Variants in RIMKLB observed in about 807,000 individuals in gnomAD.
RIMKLB encodes beta-citrylglutamate synthase B.
In RIMKLB, 7 loss-of-function variants were observed where a neutral mutation model predicts 32.0. The ratio of observed to expected loss-of-function variants is 0.22; its 90% CI spans 0.12 to 0.41. The LOEUF (loss-of-function observed/expected upper bound fraction) is 0.41. Ranked by LOEUF, RIMKLB falls within the 10% of genes least tolerant of loss-of-function variation. The pLI is 1.00. For synonymous variants in RIMKLB, 172 were observed against 185.1 expected (o/e 0.93, Z 0.57); for missense variants, 289 against 498.7 (o/e 0.58, Z 4.00).
At chr12:8,686,549 G>T (rs1392308256) in intron 1 of RIMKLB, among the ~76,000 whole-genome samples, 1 of 151,376 alleles carries the variant, frequency 6.6e-6, no homozygotes, top group East Asian at 1.9e-4. Context: ...GCGCGATCTC[G>T]GCTCACTGCA....
At chr12:8,780,258 C>T (rs1950954529), downstream of RIMKLB, 1 of 152,104 alleles carries the variant, frequency 6.6e-6, no homozygotes, top group African/African-American at 2.4e-5. Context: ...GGTATTTGTT[C>T]ATAGGTTGTA....
At chr12:8,752,780 G>T (rs1948726680) in intron 4 of RIMKLB, among the ~76,000 whole-genome samples, 1 of 149,180 alleles carries the variant, frequency 6.7e-6, no homozygotes, top group Non-Finnish European at 1.5e-5. Context: ...TGCTCTTGTT[G>T]CCCAGGCTGG....
At chr12:8,721,846 C>T (rs1013836038) in intron 2 of RIMKLB, among the ~76,000 whole-genome samples, 5 of 152,102 alleles carry the variant, frequency 3.3e-5, no homozygotes, top group East Asian at 1.9e-4. Flanking sequence ...TGGGTTCAAG[C>T]GATTCTCCTG....
At position 8,775,425 on chromosome 12, in the gene RIMKLB, T is replaced by C. The variant is rs1422850056; in HGVS notation, c.*1641T>C. On this transcript the variant is annotated 3_prime_UTR_variant, in exon 6 of 6. Coordinates refer to ENST00000535829, the MANE Select transcript of RIMKLB (RefSeq NM_001297776.2). ...TGGGTTTGGATGGTATGTTAAGAAATGGAGATGCTGCAGAGCCCAACGTAA... is the reference window on the plus strand; with the variant it reads ...TGGGTTTGGATGGTATGTTAAGAAACGGAGATGCTGCAGAGCCCAACGTAA... 3.0e-6 allele frequency: 3 copies of C among 985,384 alleles called. No homozygotes were observed. Among genetic ancestry groups the C allele is most frequent in the East Asian group, 1.1e-4 (1 of 8,830 alleles). 61.0% of individuals were successfully genotyped at this position (985,384 alleles called of 1,614,324 possible). A position where few individuals can be genotyped will look rare whatever the true frequency, so the allele number is the denominator to read the frequency against.
At chr12:8,701,024 T>C (rs912896615) in intron 1 of RIMKLB, among the ~76,000 whole-genome samples, 2 of 151,932 alleles carry the variant, frequency 1.3e-5, no homozygotes, top group Non-Finnish European at 2.9e-5. Context: ...CGAAATTTTA[T>C]CACTGCACTC....
At chr12:8,686,295 C>T (rs1942570004) in intron 1 of RIMKLB, among the ~76,000 whole-genome samples, 1 of 148,642 alleles carries the variant, frequency 6.7e-6, no homozygotes, top group Non-Finnish European at 1.5e-5. Flanking sequence ...CCTCTCATTT[C>T]CTTTCCTTTC....
upstream of RIMKLB, among the ~76,000 whole-genome samples, chr12:8,693,692 C>G (rs751406674): frequency 1.3e-5 from 2 of 152,220 alleles, no homozygotes; most frequent in South Asian, 4.1e-4. Flanking sequence ...GACACCACAC[C>G]GGGCCTGTAC....
rs1399830216 is a variant in RIMKLB, at chr12:8,773,593, A to G, written c.970A>G (p.Thr324Ala). The part of the protein sequence containing the change: ...RRMSLLSVVS[T>A]ASETSEPELG... Reference sequence around the variant, plus strand: ...TATGTCCCTGCTCTCCGTGGTGTCCACTGCCAGTGAGACTAGTGAGCCGGA... The same window carrying G: ...TATGTCCCTGCTCTCCGTGGTGTCCGCTGCCAGTGAGACTAGTGAGCCGGA... The change falls in exon 6 of 6, where the codon ACT becomes GCT. Residue 324 changes from threonine (T) to alanine (A), a missense_variant. By Grantham distance (58) the Thr-to-Ala change is moderately conservative. Coordinates refer to ENST00000535829, the MANE Select transcript of RIMKLB (RefSeq NM_001297776.2). The G allele has an allele frequency of 1.2e-6, 2 of 1,614,218 alleles. No individual in the cohort carries two copies. Among genetic ancestry groups the G allele is most frequent in the Non-Finnish European group, 1.7e-6 (2 of 1,180,042 alleles).
chr12:8,731,482 A>G (rs1591788441), intron 2 of RIMKLB, among the ~76,000 whole-genome samples: 1 of 150,774 alleles, frequency 6.6e-6, no homozygotes, highest in South Asian at 2.1e-4. Flanking sequence ...TTAGGCAAGG[A>G]GGGGATGATG....
chr12:8,782,972 T>G (rs890295787), exon 8 of RIMKLB: 7 of 152,222 alleles, frequency 4.6e-5, no homozygotes, highest in African/African-American at 1.7e-4. Context: ...TGGATGAAGA[T>G]AGATTTGACT....
the RIMKLB span, among the ~76,000 whole-genome samples, chr12:8,669,412 C>T: frequency 6.6e-6 from 1 of 152,042 alleles, no homozygotes; most frequent in Non-Finnish European, 1.5e-5. Context: ...GGGGCCAAAC[C>T]ATATCCAAAC....
Position 8,713,928 on chromosome 12 carries a change from A to C in RIMKLB, c.62A>C (p.Tyr21Ser). 1 of 1,614,126 alleles carries C rather than the reference A, an allele frequency of 6.2e-7. No homozygotes were observed. The highest frequency in any genetic ancestry group is 1.1e-5 in the South Asian group (1 of 91,078). ...ACAGATCGTCGCATCAGGGAAGACT[A>C]TCCTCAAAAAGAGATTTTACGAGCA... ...FLTDRRIRED[Y>S]PQKEILRALK... Residue 21 changes from tyrosine to serine, a missense_variant, in exon 2 of 6, where the codon TAT becomes TCT. Tyr to Ser is a moderately radical substitution (Grantham distance 144). This residue lies in a region of RIMKLB where 34 missense variants were observed against 35.3 expected (regional missense o/e 0.96). Transcript: ENST00000535829.
intron 2 of RIMKLB, among the ~76,000 whole-genome samples, chr12:8,747,206 C>T (rs1948176711): frequency 1.3e-5 from 2 of 152,302 alleles, no homozygotes; most frequent in Admixed American, 1.3e-4. Context: ...TTCTCCTAAT[C>T]AGAACAGATA....
intron 1 of RIMKLB, among the ~76,000 whole-genome samples, chr12:8,708,446 C>T (rs758663639): frequency 2.0e-5 from 3 of 152,000 alleles, no homozygotes; most frequent in African/African-American, 7.2e-5. Flanking sequence ...GTCCTCTGTA[C>T]AGAATAGGTT....
intron 2 of RIMKLB, among the ~76,000 whole-genome samples, chr12:8,718,584 A>G (rs1945086805): frequency 6.6e-6 from 1 of 151,972 alleles, no homozygotes; most frequent in Admixed American, 6.6e-5. Context: ...TGGAGGTTGC[A>G]GTGAGCTGAG....
intron 2 of RIMKLB, among the ~76,000 whole-genome samples, chr12:8,725,947 A>G (rs951759539): frequency 1.3e-5 from 2 of 152,140 alleles, no homozygotes; most frequent in Non-Finnish European, 2.9e-5. Flanking sequence ...TTCCAGGTTC[A>G]AGCGATTCTC....
chr12:8,726,838 T>C lies in RIMKLB; in HGVS notation c.175+12797T>C, dbSNP rs141869856. ...CTGTTGATATGGTTAAATTAACATA[T>C]CATGTTTGTTACTGTTTTCTCTTTG... On this transcript the variant is annotated intron_variant, in intron 2 of 5. Transcript: ENST00000535829. Among the ~76,000 whole-genome samples, 190 of 152,320 alleles carry C rather than the reference T, an allele frequency of 1.2e-3. 1 individual carries two copies. Among genetic ancestry groups the C allele is most frequent in the Middle Eastern group, 3.4e-3 (1 of 294 alleles).
At chr12:8,711,020 T>C (rs1337382787) in intron 1 of RIMKLB, among the ~76,000 whole-genome samples, 1 of 144,512 alleles carries the variant, frequency 6.9e-6, no homozygotes, top group Non-Finnish European at 1.5e-5. Flanking sequence ...CTCACGCCTA[T>C]AATTCCATCA....
the RIMKLB span, among the ~76,000 whole-genome samples, chr12:8,672,568 A>T: frequency 6.6e-6 from 1 of 152,092 alleles, no homozygotes; most frequent in African/African-American, 2.4e-5. Context: ...ATCTCATGAG[A>T]CTTAATCACT....
Sources: allele counts gnomAD v4.1 joint callset (sites outside exome capture counted in the v4.1 genomes callset), GRCh38; gene constraint gnomAD v4.1.1; regional missense constraint gnomAD v4.1.1; transcripts MANE v1.5; gene names NCBI Gene and HGNC (gene_info 2026-07-23, HGNC 2026-07-21).